Variants in RIMS1 observed in about 807,000 individuals in gnomAD.
RIMS1 encodes the protein regulating synaptic membrane exocytosis protein 1.
Under a neutral mutation model 214.1 loss-of-function variants are expected in RIMS1, and 83 were observed. The ratio of observed to expected loss-of-function variants is 0.39; its 90% CI spans 0.32 to 0.47. RIMS1 has a LOEUF of 0.47. RIMS1 is among the 20% of genes least tolerant of loss of function. The pLI, the probability that RIMS1 is intolerant of heterozygous loss-of-function variation, is 0.99. For synonymous variants in RIMS1, 793 were observed against 786.8 expected, an observed-to-expected ratio of 1.01 and a Z score of -0.13; for missense variants, 2,050 against 2,161.8, an observed-to-expected ratio of 0.95 and a Z score of 1.03.
chr6:72,339,091 A>G (rs1297429490), intron 29 of RIMS1, among the ~76,000 whole-genome samples: 1 of 151,816 alleles, frequency 6.6e-6, no homozygotes, highest in Non-Finnish European at 1.5e-5. Context: ...CTCAGAAAAG[A>G]CAATTATATT....
chr6:71,896,968 T>C (rs1443649749), intron 1 of RIMS1, among the ~76,000 whole-genome samples: 1 of 152,166 alleles, frequency 6.6e-6, no homozygotes, highest in Non-Finnish European at 1.5e-5. Context: ...AAATTCTGGA[T>C]TCATGTCCTT....
chr6:72,086,625 C>T (rs958273633), intron 2 of RIMS1, among the ~76,000 whole-genome samples: 1 of 152,124 alleles, frequency 6.6e-6, no homozygotes, highest in African/African-American at 2.4e-5. Context: ...GGTTGTGCAA[C>T]AGACCTCAGT....
At chr6:71,960,156 TGA>T (rs974931717) in intron 1 of RIMS1, among the ~76,000 whole-genome samples, 16 of 152,186 alleles carry the variant, frequency 1.1e-4, no homozygotes, top group Admixed American at 5.2e-4. Context: ...TGCTTCTCTT[TGA>T]GAGAGTTAAT....
intron 6 of RIMS1, among the ~76,000 whole-genome samples, chr6:72,230,953 T>C (rs189096957): frequency 1.7e-4 from 26 of 151,668 alleles, no homozygotes; most frequent in Admixed American, 9.9e-4. Flanking sequence ...CCTAGGACGT[T>C]TTATTGACTG....
chr6:72,293,525 T>C (rs2093698813), intron 26 of RIMS1, among the ~76,000 whole-genome samples: 1 of 151,938 alleles, frequency 6.6e-6, no homozygotes, highest in Admixed American at 6.6e-5. Context: ...TGTGGGTGTT[T>C]AGTTACAAAC....
At chr6:71,936,392 T>C (rs1020034791) in intron 1 of RIMS1, among the ~76,000 whole-genome samples, 1 of 147,926 alleles carries the variant, frequency 6.8e-6, no homozygotes, top group Non-Finnish European at 1.5e-5. Flanking sequence ...TATAAGGGAC[T>C]GATGACTGTA....
chr6:72,247,804 A>G (rs796705747), intron 11 of RIMS1, among the ~76,000 whole-genome samples: 20 of 152,280 alleles, frequency 1.3e-4, no homozygotes, highest in African/African-American at 4.8e-4. Flanking sequence ...ATGTAGATCA[A>G]TTCTTTCCAG....
intron 19 of RIMS1, 192 bp downstream of exon 19, chr6:72,260,959 A>G: frequency 7.2e-7 from 1 of 1,385,250 alleles, no homozygotes; most frequent in Non-Finnish European, 9.4e-7. Context: ...ATTCAGGCTG[A>G]CTGCTTTGCC....
rs553423493 is a variant in RIMS1, at chr6:72,352,229, A to G, written c.4366+18394A>G. On this transcript the variant is annotated intron_variant, in intron 29 of 33. Coordinates refer to ENST00000521978, the MANE Select transcript of RIMS1 (RefSeq NM_014989.7). ...ATTCATTTGTTCTGCTTATTTAGCTAATTCACTCATCCACAGGGATAAGCC... is the reference window on the plus strand; with the variant it reads ...ATTCATTTGTTCTGCTTATTTAGCTGATTCACTCATCCACAGGGATAAGCC... Among the ~76,000 whole-genome samples, 137 of 152,356 alleles carry G rather than the reference A, an allele frequency of 9.0e-4. 1 individual carries two copies. The highest frequency in any genetic ancestry group is 1.0e-3 in the Non-Finnish European group (70 of 68,032).
intron 4 of RIMS1, among the ~76,000 whole-genome samples, chr6:72,104,802 A>T (rs1381685147): frequency 7.2e-5 from 11 of 152,236 alleles, no homozygotes; most frequent in African/African-American, 2.4e-4. Context: ...TTTTTTTTAA[A>T]AAATAATTTT....
rs1256320248 is a variant in RIMS1 at position 72,046,278 on chromosome 6, T to TTG, written c.246-50660_246-50659dup. ...CCTGGTGCTGTTCTCATATCCATCA[T>TTG]TGTGTGTGTGTGGAAAGGGGTTGGG... On this transcript the variant is annotated intron_variant, in intron 2 of 33. Transcript: ENST00000521978. Among the ~76,000 whole-genome samples, 6 of 151,980 alleles carry TTG rather than the reference T, an allele frequency of 3.9e-5. No homozygotes were observed. The East Asian group carries it at 1.2e-3, about 29-fold the overall frequency.
chr6:72,085,504 T>C (rs892278231), intron 2 of RIMS1, among the ~76,000 whole-genome samples: 1 of 152,106 alleles, frequency 6.6e-6, no homozygotes, highest in Non-Finnish European at 1.5e-5. Context: ...TTCAGAGGGG[T>C]AGTGCCCCAG....
chr6:71,905,061 C>T (rs1410645774), intron 1 of RIMS1, among the ~76,000 whole-genome samples: 1 of 152,138 alleles, frequency 6.6e-6, no homozygotes, highest in African/African-American at 2.4e-5. Context: ...TATAGGGCAA[C>T]TATGGCATAT....
chr6:71,893,991 T>G (rs1770810827), intron 1 of RIMS1, among the ~76,000 whole-genome samples: 1 of 152,238 alleles, frequency 6.6e-6, no homozygotes, highest in Non-Finnish European at 1.5e-5. Flanking sequence ...CTTCCTCTTT[T>G]TAAATCTTGC....
At chr6:72,030,373 A>AT (rs1817741729) in intron 2 of RIMS1, among the ~76,000 whole-genome samples, 1 of 152,214 alleles carries the variant, frequency 6.6e-6, no homozygotes, top group African/African-American at 2.4e-5. Context: ...TTTTAGCAGA[A>AT]TATACTTTTG....
intron 4 of RIMS1, among the ~76,000 whole-genome samples, chr6:72,122,950 GT>G (rs1440859832): frequency 6.6e-6 from 1 of 151,690 alleles, no homozygotes; most frequent in African/African-American, 2.4e-5. Context: ...TTTTTTGAAG[GT>G]TTTTTTGTGT....
At chr6:72,129,179 G>A (rs1016485214) in intron 4 of RIMS1, among the ~76,000 whole-genome samples, 1 of 152,092 alleles carries the variant, frequency 6.6e-6, no homozygotes, top group Non-Finnish European at 1.5e-5. Flanking sequence ...TAAACTGGTG[G>A]CAAGTTTACA....
intron 27 of RIMS1, among the ~76,000 whole-genome samples, chr6:72,307,950 A>G (rs2095311607): frequency 1.3e-5 from 2 of 152,162 alleles, no homozygotes; most frequent in Admixed American, 6.5e-5. Flanking sequence ...GCATTAGTCA[A>G]ATTCACATAA....
chr6:72,128,241 TA>T (rs1375865139), intron 4 of RIMS1, among the ~76,000 whole-genome samples: 1 of 152,086 alleles, frequency 6.6e-6, no homozygotes, highest in African/African-American at 2.4e-5. Context: ...TATTTAACCT[TA>T]AAAAAGATGT....
Sources: allele counts gnomAD v4.1 joint callset (sites outside exome capture counted in the v4.1 genomes callset), GRCh38; gene constraint gnomAD v4.1.1; transcripts MANE v1.5; gene names NCBI Gene and HGNC (gene_info 2026-07-23, HGNC 2026-07-21).